The following IL1RAPL2 variants were observed in gnomAD, a reference collection of about 807,000 sequenced individuals.
The protein encoded by IL1RAPL2 is X-linked interleukin-1 receptor accessory protein-like 2.
A neutral mutation model predicts 44.1 loss-of-function variants in IL1RAPL2; 3 were observed. The ratio of observed to expected loss-of-function variants is 0.07; its 90% CI spans 0.03 to 0.18. IL1RAPL2 has a LOEUF of 0.18. Ranked by LOEUF, IL1RAPL2 falls within the 10% of genes least tolerant of loss-of-function variation. The pLI is 1.00. For missense variants in IL1RAPL2, 391 were observed against 496.4 expected, an observed-to-expected ratio of 0.79 and a Z score of 2.02; for synonymous variants, 181 against 178.8, an observed-to-expected ratio of 1.01 and a Z score of -0.10.
At chrX:105,492,098 C>T (rs2036324389) in intron 6 of IL1RAPL2, among the ~76,000 whole-genome samples, 1 of 111,163 alleles carries the variant, frequency 9.0e-6, no homozygotes, top group Non-Finnish European at 1.9e-5. Flanking sequence ...TATTTGAAAC[C>T]AAAATTATTT....
In IL1RAPL2 at chrX:104,778,504, G is replaced by A. The variant is rs775305657; in HGVS notation, c.82+119509G>A. On this transcript the variant is annotated intron_variant, in intron 2 of 10. Coordinates refer to ENST00000372582, the MANE Select transcript of IL1RAPL2 (RefSeq NM_017416.2). ...GAGTCTGGGATGTCAAGGCTGCAGT[G>A]AGCTGTGATCCTGCCACTGCATTCC... is the stretch of plus-strand genomic sequence containing the variant. 6.5e-5 allele frequency among the ~76,000 whole-genome samples: 7 copies of A among 108,021 alleles called. No individual in the cohort carries two copies. The East Asian group carries it at 1.1e-3, about 18-fold the overall frequency. 93.8% of individuals were successfully genotyped at this position (108,021 alleles called of 115,157 possible). A position where few individuals can be genotyped will look rare whatever the true frequency, so the allele number is the denominator to read the frequency against.
intron 2 of IL1RAPL2, among the ~76,000 whole-genome samples, chrX:105,075,352 T>C (rs1212599299): frequency 2.7e-5 from 3 of 111,948 alleles, no homozygotes; most frequent in African/African-American, 9.8e-5. Flanking sequence ...GTTTATTGTT[T>C]TGCATATGTT....
At chrX:104,674,831 T>G (rs1401116351) in intron 2 of IL1RAPL2, among the ~76,000 whole-genome samples, 1 of 111,612 alleles carries the variant, frequency 9.0e-6, no homozygotes, top group Non-Finnish European at 1.9e-5. Flanking sequence ...TTTGGGAGAG[T>G]GTATGTGTCA....
intron 2 of IL1RAPL2, among the ~76,000 whole-genome samples, chrX:105,043,861 A>T (rs2031799065): frequency 8.9e-6 from 1 of 111,966 alleles, no homozygotes. Flanking sequence ...ACCACTAGCA[A>T]AGGTTTGTCT....
chrX:104,928,545 A>G (rs764443304), intron 2 of IL1RAPL2, among the ~76,000 whole-genome samples: 4 of 111,366 alleles, frequency 3.6e-5, no homozygotes, highest in Non-Finnish European at 7.5e-5. Flanking sequence ...TAGCCCAAAA[A>G]AATTGTTTTC....
At chrX:105,083,317 C>A (rs1353734421) in intron 2 of IL1RAPL2, among the ~76,000 whole-genome samples, 1 of 111,511 alleles carries the variant, frequency 9.0e-6, no homozygotes, top group Non-Finnish European at 1.9e-5. Flanking sequence ...AAGACCAAAT[C>A]TACATTTGAT....
At chrX:105,477,162 T>C (rs1191799088) in intron 5 of IL1RAPL2, among the ~76,000 whole-genome samples, 2 of 111,392 alleles carry the variant, frequency 1.8e-5, no homozygotes, top group African/African-American at 6.5e-5. Context: ...GATCACAAAA[T>C]TAGGAATATT....
At chrX:105,351,064 C>T (rs372195191) in intron 5 of IL1RAPL2, among the ~76,000 whole-genome samples, 1 of 111,621 alleles carries the variant, frequency 9.0e-6, no homozygotes, top group Non-Finnish European at 1.9e-5. Flanking sequence ...AAATCAAAAC[C>T]AAAATGAGAT....
At chrX:104,769,156 T>G (rs1482990558) in intron 2 of IL1RAPL2, among the ~76,000 whole-genome samples, 1 of 111,751 alleles carries the variant, frequency 8.9e-6, no homozygotes, top group African/African-American at 3.2e-5. Flanking sequence ...ATGGGCCCCT[T>G]ATCACCTATC....
At chrX:105,123,883 T>C (rs2032949420) in intron 2 of IL1RAPL2, among the ~76,000 whole-genome samples, 1 of 110,990 alleles carries the variant, frequency 9.0e-6, no homozygotes, top group Non-Finnish European at 1.9e-5. Flanking sequence ...ATGACTCTTA[T>C]CAACATATCT....
intron 6 of IL1RAPL2, among the ~76,000 whole-genome samples, chrX:105,666,958 C>G (rs1387047394): frequency 3.6e-5 from 4 of 111,683 alleles, no homozygotes; most frequent in Admixed American, 9.5e-5. Flanking sequence ...GGCAGTCCAG[C>G]CTGGCATTGT....
intron 2 of IL1RAPL2, among the ~76,000 whole-genome samples, chrX:105,061,811 G>T (rs2032078324): frequency 8.9e-6 from 1 of 111,981 alleles, no homozygotes; most frequent in African/African-American, 3.2e-5. Flanking sequence ...TCTTCTTACA[G>T]TTTTTGTCTT....
intron 2 of IL1RAPL2, among the ~76,000 whole-genome samples, chrX:105,080,605 G>C (rs2032390669): frequency 8.9e-6 from 1 of 111,937 alleles, no homozygotes; most frequent in Non-Finnish European, 1.9e-5. Context: ...GTACCATGCT[G>C]TTTTGGTTAC....
intron 2 of IL1RAPL2, among the ~76,000 whole-genome samples, chrX:105,109,934 C>T (rs2032784927): frequency 8.9e-6 from 1 of 111,885 alleles, no homozygotes; most frequent in Non-Finnish European, 1.9e-5. Flanking sequence ...CTTTTACCTC[C>T]TTAGGAACCG....
chrX:104,636,234 G>A (rs1929802181), intron 1 of IL1RAPL2, among the ~76,000 whole-genome samples: 1 of 111,842 alleles, frequency 8.9e-6, no homozygotes, highest in African/African-American at 3.3e-5. Context: ...CCGGGCATGT[G>A]AGGTGTCAGT....
At chrX:105,582,462 C>T (rs1333327118) in intron 6 of IL1RAPL2, among the ~76,000 whole-genome samples, 1 of 110,967 alleles carries the variant, frequency 9.0e-6, no homozygotes, top group East Asian at 2.8e-4. Context: ...ATATATTTCT[C>T]CATTTATTTG....
At chrX:105,031,816 A>G (rs1364545684) in intron 2 of IL1RAPL2, among the ~76,000 whole-genome samples, 6 of 109,528 alleles carry the variant, frequency 5.5e-5, no homozygotes, top group Non-Finnish European at 1.2e-4. Context: ...TTCAGAAGGA[A>G]ACTCTTCTGG....
At chrX:104,987,684 C>G (rs1399608278) in intron 2 of IL1RAPL2, among the ~76,000 whole-genome samples, 1 of 110,716 alleles carries the variant, frequency 9.0e-6, no homozygotes, top group Non-Finnish European at 1.9e-5. Flanking sequence ...GAAGGCTGCC[C>G]TCCTGCATTG....
chrX:105,129,778 TCA>T (rs2033009936), intron 2 of IL1RAPL2, among the ~76,000 whole-genome samples: 1 of 110,056 alleles, frequency 9.1e-6, no homozygotes, highest in African/African-American at 3.3e-5. Flanking sequence ...GTAGATGCCC[TCA>T]CCATCCACCA....
Sources: allele counts gnomAD v4.1 joint callset (sites outside exome capture counted in the v4.1 genomes callset), GRCh38; gene constraint gnomAD v4.1.1; transcripts MANE v1.5; gene names NCBI Gene and HGNC (gene_info 2026-07-23, HGNC 2026-07-21).